The following GLB1 variants were observed in gnomAD, a reference collection of about 807,000 sequenced individuals.
The protein encoded by GLB1 is galactosidase beta 1.
GLB1 carries 56 observed loss-of-function variants against 74.0 expected under a neutral mutation model. That is an observed-to-expected ratio of 0.76 (90% CI 0.61 to 0.94). The LOEUF is 0.94. Among genes scored for constraint, GLB1 ranks in the 40% least tolerant of loss-of-function variants. The pLI is 0.00. For synonymous variants in GLB1, 323 were observed against 323.6 expected, an observed-to-expected ratio of 1.00 and a Z score of 0.02; for missense variants, 787 against 845.5, an observed-to-expected ratio of 0.93 and a Z score of 0.86.
At chr3:33,041,068 T>C (rs1046528055) in intron 10 of GLB1, among the ~76,000 whole-genome samples, 1 of 152,120 alleles carries the variant, frequency 6.6e-6, no homozygotes, top group Non-Finnish European at 1.5e-5. Flanking sequence ...TCTAACAAAT[T>C]ATCTAATAGA....
chr3:33,035,305 AC>A (rs1239777615), intron 10 of GLB1, among the ~76,000 whole-genome samples: 7 of 151,944 alleles, frequency 4.6e-5, no homozygotes, highest in Admixed American at 4.6e-4. Context: ...GGTGGCGCAC[AC>A]CTGTAGTTCT....
chr3:32,965,175 A>G, the GLB1 span, among the ~76,000 whole-genome samples: 1 of 152,184 alleles, frequency 6.6e-6, no homozygotes. Flanking sequence ...GATACCTGAA[A>G]ATGTGGAAGC....
At chr3:33,055,455 C>CT (rs1374690073) in intron 6 of GLB1, among the ~76,000 whole-genome samples, 5 of 111,620 alleles carry the variant, frequency 4.5e-5, no homozygotes, top group African/African-American at 1.3e-4. Context: ...TCATGGTTTT[C>CT]TTTTCTTTTT....
At chr3:33,038,053 GATTGGTGAGAGAGGTAACAAATTGC>G (rs1698353199) in intron 10 of GLB1, 1 of 139,122 alleles carries the variant, frequency 7.2e-6, no homozygotes, top group African/African-American at 2.6e-5. Flanking sequence ...AAAAGGCTCA[GATTGGTGAGAGAGGTAACAAATTGC>G]ATATCTGCCA....
At chr3:33,063,621 G>T (rs1323981789) in intron 5 of GLB1, among the ~76,000 whole-genome samples, 1 of 152,104 alleles carries the variant, frequency 6.6e-6, no homozygotes, top group Non-Finnish European at 1.5e-5. Flanking sequence ...AAAGTTGTGA[G>T]CAGAAATTGA....
At chr3:33,050,495 G>C (rs773831334) in intron 9 of GLB1, among the ~76,000 whole-genome samples, 4 of 152,254 alleles carry the variant, frequency 2.6e-5, no homozygotes, top group Non-Finnish European at 5.9e-5. Context: ...CAACAACGTG[G>C]ATGAGCGTTG....
chr3:32,980,185 G>T, the GLB1 span, among the ~76,000 whole-genome samples: 4 of 152,036 alleles, frequency 2.6e-5, no homozygotes, highest in Non-Finnish European at 4.4e-5. Flanking sequence ...TTTTAACTTC[G>T]AAACCGTTAA....
At chr3:33,060,553 C>T (rs1699398724) in intron 5 of GLB1, among the ~76,000 whole-genome samples, 1 of 152,174 alleles carries the variant, frequency 6.6e-6, no homozygotes, top group Non-Finnish European at 1.5e-5. Flanking sequence ...GCCTCTGTAC[C>T]TCATGTTCTC....
At chr3:33,094,683 AGG>A (rs60166129) in intron 1 of GLB1, among the ~76,000 whole-genome samples, 149,307 of 152,252 alleles carry the variant, frequency 0.98, 73,288 homozygotes, top group Middle Eastern at 1. Context: ...CTCTGTCCTG[AGG>A]GGGTGGAGTC....
At chr3:33,039,289 C>CAAAAAA (rs35066652) in intron 10 of GLB1, among the ~76,000 whole-genome samples, 1 of 93,210 alleles carries the variant, frequency 1.1e-5, no homozygotes, top group African/African-American at 4.0e-5. Flanking sequence ...GACTCTGTCT[C>CAAAAAA]AAAAAAAAAA....
intron 2 of GLB1, among the ~76,000 whole-genome samples, chr3:33,071,257 G>A (rs115102037): frequency 0.012 from 1,776 of 151,890 alleles, 42 homozygotes; most frequent in African/African-American, 0.039. Flanking sequence ...GTGAACTTGG[G>A]TTCACTCTGC....
At chr3:32,979,986 C>T in the GLB1 span, among the ~76,000 whole-genome samples, 23 of 151,698 alleles carry the variant, frequency 1.5e-4, no homozygotes, top group African/African-American at 5.1e-4. Flanking sequence ...TGTGATGTTT[C>T]AATATATGCA....
chr3:33,012,555 C>G (rs1697071757), intron 15 of GLB1, among the ~76,000 whole-genome samples: 1 of 152,216 alleles, frequency 6.6e-6, no homozygotes, highest in Non-Finnish European at 1.5e-5. Flanking sequence ...ACTTCCTAGC[C>G]TCCAGAACTG....
the GLB1 span, among the ~76,000 whole-genome samples, chr3:32,982,041 C>T: frequency 2.6e-5 from 4 of 152,168 alleles, no homozygotes; most frequent in Admixed American, 1.3e-4. Flanking sequence ...CAGCCGGGTG[C>T]GGTGGCTTAC....
chr3:33,094,881 G>A (rs548699543), intron 1 of GLB1, among the ~76,000 whole-genome samples: 3 of 152,248 alleles, frequency 2.0e-5, no homozygotes, highest in Middle Eastern at 3.4e-3. Context: ...GTTTATTAAC[G>A]TGTAATGATG....
chr3:33,083,750 A>C (rs1442166205), intron 1 of GLB1, among the ~76,000 whole-genome samples: 1 of 152,024 alleles, frequency 6.6e-6, no homozygotes, highest in African/African-American at 2.4e-5. Context: ...CAAAACACCA[A>C]ATACGTATCA....
At chr3:33,021,677 A>G in intron 11 of GLB1, 22 bp from the exon 12 acceptor site, 1 of 1,610,094 alleles carries the variant, frequency 6.2e-7, no homozygotes, top group South Asian at 1.1e-5. Flanking sequence ...CAAAAGCAGC[A>G]TTCACACACT....
intron 1 of GLB1, 122 bp downstream of exon 1, chr3:33,096,889 G>T (rs1701055517): frequency 1.3e-6 from 2 of 1,486,122 alleles, no homozygotes; most frequent in African/African-American, 2.9e-5. Flanking sequence ...AGCCTGCTGG[G>T]GGGCACTTCG....
intron 10 of GLB1, among the ~76,000 whole-genome samples, chr3:33,044,914 C>T (rs1559397683): frequency 6.6e-6 from 1 of 152,140 alleles, no homozygotes; most frequent in Non-Finnish European, 1.5e-5. Context: ...ACAACGCTAG[C>T]AGGACTAAGC....
Sources: gnomAD v4.1 joint callset for allele counts (sites outside exome capture counted in the v4.1 genomes callset) on GRCh38, gnomAD v4.1.1 for gene constraint, MANE v1.5 for transcripts, NCBI Gene and HGNC (gene_info 2026-07-23, HGNC 2026-07-21) for gene names.